The following MEMO1 variants were observed in gnomAD, a reference collection of about 807,000 sequenced individuals.
The protein encoded by MEMO1 is mediator of cell motility 1.
Under a neutral mutation model 45.2 loss-of-function variants are expected in MEMO1, and 6 were observed. That is an observed-to-expected ratio of 0.13 (90% CI 0.07 to 0.26). MEMO1 has a LOEUF of 0.26. Ranked by LOEUF, MEMO1 falls within the 10% of genes least tolerant of loss-of-function variation. MEMO1 has a pLI of 1.00. For synonymous variants in MEMO1, 78 were observed against 124.3 expected, an observed-to-expected ratio of 0.63 and a Z score of 2.48; for missense variants, 184 against 370.5, an observed-to-expected ratio of 0.50 and a Z score of 4.13.
chr2:31,920,960 A>G, intron 4 of MEMO1, 50 bp from the exon 5 acceptor site: 1 of 1,206,352 alleles, frequency 8.3e-7, no homozygotes, highest in Non-Finnish European at 1.2e-6. Flanking sequence ...TTCTACACAA[A>G]CCTTATTAAA....
intron 2 of MEMO1, among the ~76,000 whole-genome samples, chr2:31,997,987 T>G (rs1411889136): frequency 6.6e-6 from 1 of 152,162 alleles, no homozygotes; most frequent in Non-Finnish European, 1.5e-5. Context: ...CAAATCTACA[T>G]AAATTATGCT....
intron 6 of MEMO1, among the ~76,000 whole-genome samples, chr2:31,904,030 C>A (rs1428638127): frequency 1.3e-5 from 2 of 152,164 alleles, no homozygotes; most frequent in African/African-American, 4.8e-5. Context: ...ATCTTAAGAT[C>A]CAGTGAAACC....
At chr2:31,978,171 G>A (rs879684633) in intron 2 of MEMO1, among the ~76,000 whole-genome samples, 2 of 152,090 alleles carry the variant, frequency 1.3e-5, no homozygotes, top group African/African-American at 2.4e-5. Flanking sequence ...AGGATCATTT[G>A]AGGTCAGGAG....
chr2:31,882,410 T>A (rs1370995556), intron 8 of MEMO1, among the ~76,000 whole-genome samples: 1 of 152,052 alleles, frequency 6.6e-6, no homozygotes, highest in Non-Finnish European at 1.5e-5. Flanking sequence ...TATATAACAA[T>A]CTGATTTACA....
chr2:31,943,277 A>G, intron 3 of MEMO1, 25 bp downstream of exon 3: 1 of 1,585,898 alleles, frequency 6.3e-7, no homozygotes, highest in Non-Finnish European at 8.7e-7. Flanking sequence ...AAAACAAAAC[A>G]AAAACAAAAA....
At chr2:31,880,857 A>T (rs1244913328) in intron 8 of MEMO1, among the ~76,000 whole-genome samples, 1 of 152,012 alleles carries the variant, frequency 6.6e-6, no homozygotes, top group Non-Finnish European at 1.5e-5. Context: ...CATCTCTAAA[A>T]AATAAAAATA....
chr2:31,977,799 C>G (rs1670179849), intron 2 of MEMO1, among the ~76,000 whole-genome samples: 1 of 152,162 alleles, frequency 6.6e-6, no homozygotes, highest in African/African-American at 2.4e-5. Flanking sequence ...GATGGGATTA[C>G]AGGCATGAGC....
At chr2:31,960,705 C>T (rs900828237) in intron 2 of MEMO1, among the ~76,000 whole-genome samples, 6 of 152,112 alleles carry the variant, frequency 3.9e-5, no homozygotes, top group African/African-American at 1.2e-4. Context: ...TGTGCCTCAG[C>T]CACCCAAGTA....
At chr2:31,963,549 G>T (rs1167671168) in intron 2 of MEMO1, among the ~76,000 whole-genome samples, 1 of 152,218 alleles carries the variant, frequency 6.6e-6, no homozygotes, top group African/African-American at 2.4e-5. Context: ...TATGAACTGT[G>T]TAGGGTTTTT....
At chr2:31,990,958 T>G (rs1427888877) in intron 2 of MEMO1, among the ~76,000 whole-genome samples, 1 of 151,982 alleles carries the variant, frequency 6.6e-6, no homozygotes, top group Admixed American at 6.6e-5. Context: ...TATCTTCCTC[T>G]GAAAAACCAG....
intron 4 of MEMO1, among the ~76,000 whole-genome samples, chr2:31,926,643 G>C (rs905770397): frequency 6.6e-6 from 1 of 151,970 alleles, no homozygotes; most frequent in African/African-American, 2.4e-5. Context: ...GAAGTCAGCA[G>C]TTTGAGACCA....
intron 3 of MEMO1, among the ~76,000 whole-genome samples, chr2:31,938,660 T>A (rs1248667834): frequency 1.3e-5 from 2 of 151,124 alleles, no homozygotes. Context: ...AATAAAAAAA[T>A]AAAAAATAAA....
At chr2:31,927,059 G>A (rs555041999) in intron 4 of MEMO1, among the ~76,000 whole-genome samples, 66 of 151,724 alleles carry the variant, frequency 4.4e-4, no homozygotes, top group African/African-American at 1.6e-3. Context: ...GGCTGGGTGC[G>A]GTGGCTCACA....
At chr2:31,884,964 T>C (rs754665906) in intron 7 of MEMO1, among the ~76,000 whole-genome samples, 1 of 152,198 alleles carries the variant, frequency 6.6e-6, no homozygotes. Context: ...ACAATGATAA[T>C]TTATTGTTCA....
At chr2:31,935,204 G>A (rs749352617) in intron 3 of MEMO1, among the ~76,000 whole-genome samples, 1 of 152,118 alleles carries the variant, frequency 6.6e-6, no homozygotes, top group Non-Finnish European at 1.5e-5. Context: ...ACTTCAGCCA[G>A]GACTGCCTGG....
intron 6 of MEMO1, among the ~76,000 whole-genome samples, chr2:31,907,740 C>T (rs969800009): frequency 4.0e-5 from 6 of 151,168 alleles, no homozygotes; most frequent in East Asian, 1.9e-4. Context: ...TTGTGGTGAA[C>T]CGAGATCACA....
At chr2:31,891,897 T>C in intron 7 of MEMO1, 95 bp downstream of exon 7, 4 of 1,285,920 alleles carry the variant, frequency 3.1e-6, no homozygotes, top group Non-Finnish European at 4.3e-6. Context: ...CCAAGGAAAG[T>C]GATAAAAAAC....
chr2:31,969,586 GGTGTGTGT>G (rs367639470), intron 2 of MEMO1, among the ~76,000 whole-genome samples: 10,344 of 119,060 alleles, frequency 0.087, 457 homozygotes, highest in Admixed American at 0.17. Context: ...TGTGTGTGTG[GGTGTGTGT>G]GTGTGTGTGT....
intron 8 of MEMO1, among the ~76,000 whole-genome samples, chr2:31,871,119 G>A (rs950157015): frequency 1.3e-5 from 2 of 151,832 alleles, no homozygotes; most frequent in Non-Finnish European, 2.9e-5. Context: ...ACCAAGTCGG[G>A]GAAATAAATT....
Sources: allele counts gnomAD v4.1 joint callset (sites outside exome capture counted in the v4.1 genomes callset), GRCh38; gene constraint gnomAD v4.1.1; transcripts MANE v1.5; gene names NCBI Gene and HGNC (gene_info 2026-07-23, HGNC 2026-07-21).